HTT-AS: variants seen among roughly 807,000 people sequenced by gnomAD.
HTT-AS encodes the protein HTT antisense RNA (head to head).
At position 3,072,744 on chromosome 4, in the gene HTT-AS, C is replaced by T. The variant is rs556693592; in HGVS notation, n.113+1682G>A. Among the ~76,000 whole-genome samples the T allele has an allele frequency of 1.4e-4, 21 of 152,324 alleles. No homozygotes were observed. The South Asian group carries it at 4.3e-3, about 32-fold the overall frequency. On this transcript the variant is annotated intron_variant and non_coding_transcript_variant, in intron 1 of 2. Coordinates refer to ENST00000664062, the Ensembl canonical transcript of HTT-AS. ...CTCCCAGGTTCAAGCAATTCTGCCT[C>T]AGCCTCCGGAATAGCTGGGACTACA...
At chr4:3,055,145 G>A (rs192642753) in intron 2 of HTT-AS, among the ~76,000 whole-genome samples, 7 of 151,792 alleles carry the variant, frequency 4.6e-5, no homozygotes, top group Admixed American at 1.3e-4. Context: ...TCAGGAGATC[G>A]AGACCATCCG....
At chr4:3,064,908 G>A (rs765969801) in intron 1 of HTT-AS, among the ~76,000 whole-genome samples, 11 of 152,222 alleles carry the variant, frequency 7.2e-5, no homozygotes, top group African/African-American at 2.6e-4. Context: ...TTACCAGACA[G>A]AACCCAACAA....
At chr4:3,063,312 T>C (rs145887262) in exon 2 of HTT-AS, among the ~76,000 whole-genome samples, 3 of 152,162 alleles carry the variant, frequency 2.0e-5, no homozygotes, top group Non-Finnish European at 2.9e-5. Flanking sequence ...ACTAGTGGAG[T>C]ACACCTTGCA....
downstream of HTT-AS, among the ~76,000 whole-genome samples, chr4:3,047,182 GCA>G: frequency 1.3e-5 from 2 of 152,046 alleles, no homozygotes; most frequent in East Asian, 3.9e-4. Flanking sequence ...GTGGTGGCGT[GCA>G]CCTGTAGTCC....
chr4:3,073,267 C>G (rs1383762312), intron 1 of HTT-AS, among the ~76,000 whole-genome samples: 1 of 152,226 alleles, frequency 6.6e-6, no homozygotes, highest in Non-Finnish European at 1.5e-5. Flanking sequence ...CATCACCCCC[C>G]GGCTGGGCGG....
At chr4:3,052,645 T>A (rs1381087273) in intron 2 of HTT-AS, among the ~76,000 whole-genome samples, 1 of 152,166 alleles carries the variant, frequency 6.6e-6, no homozygotes, top group Middle Eastern at 3.2e-3. Flanking sequence ...TAATGGCAGT[T>A]ATGGGGCTGA....
chr4:3,056,303 G>T (rs1220314673), intron 2 of HTT-AS, among the ~76,000 whole-genome samples: 2 of 152,192 alleles, frequency 1.3e-5, no homozygotes, highest in Admixed American at 1.3e-4. Flanking sequence ...GATGCTTCAT[G>T]GTCAGAACAA....
chr4:3,053,323 A>G (rs1362740157), intron 2 of HTT-AS, among the ~76,000 whole-genome samples: 1 of 152,202 alleles, frequency 6.6e-6, no homozygotes, highest in East Asian at 1.9e-4. Context: ...GCCTGAGGTC[A>G]GGAGTTCGAG....
At chr4:3,046,998 A>AT (rs1255738760), downstream of HTT-AS, among the ~76,000 whole-genome samples, 3 of 152,104 alleles carry the variant, frequency 2.0e-5, no homozygotes, top group Admixed American at 6.5e-5. Context: ...TATAATAAAA[A>AT]ATATATATAT....
chr4:3,063,851 T>C (rs778083242), intron 1 of HTT-AS: 1 of 152,208 alleles, frequency 6.6e-6, no homozygotes, highest in Non-Finnish European at 1.5e-5. Context: ...AAGATGATTT[T>C]ATGGAGGGGA....
At chr4:3,054,907 G>A (rs1315274932) in intron 2 of HTT-AS, among the ~76,000 whole-genome samples, 2 of 151,758 alleles carry the variant, frequency 1.3e-5, no homozygotes, top group Admixed American at 1.3e-4. Context: ...TAGAGACGGG[G>A]TTTCACCATA....
At position 3,049,491 on chromosome 4, in the gene HTT-AS, G is replaced by C. The variant is rs1019471315; in HGVS notation, n.1588C>G. 7.2e-5 allele frequency among the ~76,000 whole-genome samples: 11 copies of C among 152,126 alleles called. 1 individual carries two copies. Among genetic ancestry groups the C allele is most frequent in the African/African-American group, 2.4e-4 (10 of 41,434 alleles). On this transcript the variant is annotated non_coding_transcript_exon_variant, in exon 3 of 3. Transcript: ENST00000664062. The stretch of plus-strand genomic sequence containing the variant: ...TTGATCCACGATCTTAGCAAAAGCC[G>C]TTCACATCAAGGATGCCATCTTCTG...
chr4:3,061,535 A>T (rs1046706666), intron 2 of HTT-AS, among the ~76,000 whole-genome samples: 1 of 152,152 alleles, frequency 6.6e-6, no homozygotes, highest in East Asian at 1.9e-4. Context: ...ACAAAAAATT[A>T]GCTGGGCGTG....
exon 2 of HTT-AS, among the ~76,000 whole-genome samples, chr4:3,062,516 C>G (rs1322962066): frequency 6.6e-6 from 1 of 152,094 alleles, no homozygotes; most frequent in Non-Finnish European, 1.5e-5. Context: ...AACACCTCCC[C>G]TCTGCGGCCT....
At chr4:3,049,010 G>A (rs1344574389), downstream of HTT-AS, among the ~76,000 whole-genome samples, 1 of 152,198 alleles carries the variant, frequency 6.6e-6, no homozygotes, top group Non-Finnish European at 1.5e-5. Context: ...AGTTATCCGT[G>A]TATAAGGCTG....
intron 2 of HTT-AS, among the ~76,000 whole-genome samples, chr4:3,061,922 C>T (rs2110122854): frequency 7.0e-6 from 1 of 142,536 alleles, no homozygotes; most frequent in African/African-American, 2.6e-5. Context: ...GCGGAGCTTG[C>T]AGTGAGCCGA....
At chr4:3,057,825 A>G (rs903872513) in intron 2 of HTT-AS, among the ~76,000 whole-genome samples, 6 of 150,304 alleles carry the variant, frequency 4.0e-5, no homozygotes, top group Admixed American at 1.3e-4. Context: ...GGGTTTCACC[A>G]TGTTAGCCAG....
intron 2 of HTT-AS, among the ~76,000 whole-genome samples, chr4:3,050,331 G>A (rs533543381): frequency 9.7e-4 from 147 of 152,286 alleles, no homozygotes; most frequent in Non-Finnish European, 1.5e-3. Context: ...GCTGATTTAA[G>A]ATGAAAATCT....
intron 1 of HTT-AS, among the ~76,000 whole-genome samples, chr4:3,066,656 T>A (rs775075971): frequency 2.0e-5 from 3 of 152,184 alleles, no homozygotes; most frequent in Non-Finnish European, 4.4e-5. Context: ...AATCCCTTCA[T>A]ATCAACCACA....
Sources: gnomAD v4.1 joint callset for allele counts (sites outside exome capture counted in the v4.1 genomes callset) on GRCh38, gnomAD v4.1.1 for gene constraint, MANE v1.5 for transcripts, NCBI Gene and HGNC (gene_info 2026-07-23, HGNC 2026-07-21) for gene names.